Variants in CCDC198 observed in about 807,000 individuals in gnomAD.
CCDC198 encodes coiled-coil domain containing 198, also known as factor associated with metabolism and energy.
CCDC198 carries 18 observed loss-of-function variants against 35.6 expected under a neutral mutation model. That is an observed-to-expected ratio of 0.51 (90% CI 0.35 to 0.75). CCDC198 has a LOEUF of 0.75. CCDC198 is among the 30% of genes least tolerant of loss of function. CCDC198 has a pLI of 0.01. For missense variants in CCDC198, 365 were observed against 343.7 expected (o/e 1.06, Z -0.49); for synonymous variants, 119 against 113.4 (o/e 1.05, Z -0.31).
At chr14:57,476,772 C>T (rs2067011396) in intron 5 of CCDC198, among the ~76,000 whole-genome samples, 1 of 152,072 alleles carries the variant, frequency 6.6e-6, no homozygotes, top group Non-Finnish European at 1.5e-5. Flanking sequence ...AATGACCAGA[C>T]CCTGATAGTA....
Position 57,493,612 on chromosome 14 carries a change from A to C in CCDC198, c.104T>G (p.Phe35Cys), listed in dbSNP as rs754957433. 9 of 1,613,982 alleles carry C rather than the reference A, an allele frequency of 5.6e-6. No individual in the cohort carries two copies. In the East Asian group the frequency reaches 2.0e-4, roughly 36 times the overall value. The change falls in exon 1 of 6, where the codon TTC becomes TGC. Residue 35 changes from phenylalanine (F) to cysteine (C), a missense_variant. By Grantham distance (205) the Phe-to-Cys change is radical. Transcript: ENST00000216445. Reference protein sequence around the residue: ...TPSAGRVDFAFNQNLEEKTSY... With the variant: ...TPSAGRVDFACNQNLEEKTSY... ...AGTCTTTTCTTCCAAATTCTGATTGAATGCAAAGTCCACACGGCCAGCCGA... is the reference window on the plus strand; with the variant it reads ...AGTCTTTTCTTCCAAATTCTGATTGCATGCAAAGTCCACACGGCCAGCCGA...
chr14:57,478,851 G>T, intron 5 of CCDC198: 1 of 1,145,846 alleles, frequency 8.7e-7, no homozygotes, highest in Non-Finnish European at 1.1e-6. Flanking sequence ...AGTAGGAGCA[G>T]TGTCTCTTTC....
At chr14:57,484,474 C>T (rs2067291359) in intron 2 of CCDC198, among the ~76,000 whole-genome samples, 1 of 152,172 alleles carries the variant, frequency 6.6e-6, no homozygotes, top group Admixed American at 6.5e-5. Context: ...ACCCTATGGA[C>T]ACCTTGATCT....
At chr14:57,486,393 G>T (rs979403713) in intron 2 of CCDC198, among the ~76,000 whole-genome samples, 15 of 151,998 alleles carry the variant, frequency 9.9e-5, no homozygotes, top group African/African-American at 3.4e-4. Flanking sequence ...TTAAGCGCAA[G>T]TGTGTCCAGC....
At chr14:57,481,444 G>T in intron 4 of CCDC198, 115 bp downstream of exon 4, 1 of 689,990 alleles carries the variant, frequency 1.4e-6, no homozygotes, top group Non-Finnish European at 2.4e-6. Context: ...CAACCTCAAT[G>T]ACGAAATTTA....
chr14:57,482,987 A>T lies in CCDC198; in HGVS notation c.393+78T>A, dbSNP rs572296187. The T allele has an allele frequency of 6.6e-5, 105 of 1,594,902 alleles. No homozygotes were observed. The African/African-American group carries it at 1.3e-3, about 20-fold the overall frequency. ...CTCCATGCAGAGAGTGCATGAAAGG[A>T]CCAGTGTGCTCCAGTGCCCCAATCC... On this transcript the variant is annotated intron_variant, in intron 3 of 5. Transcript: ENST00000216445.
intron 2 of CCDC198, among the ~76,000 whole-genome samples, chr14:57,486,507 T>C (rs1373376177): frequency 6.6e-6 from 1 of 152,016 alleles, no homozygotes; most frequent in Non-Finnish European, 1.5e-5. Flanking sequence ...GCCCCTTCAC[T>C]AGAGATTGAG....
chr14:57,479,856 C>T (rs2067123963), intron 5 of CCDC198, among the ~76,000 whole-genome samples: 1 of 152,134 alleles, frequency 6.6e-6, no homozygotes. Flanking sequence ...ACATGGAGAA[C>T]CACTGAAGTG....
At chr14:57,492,780 A>G (rs1007583005) in intron 1 of CCDC198, among the ~76,000 whole-genome samples, 2 of 152,100 alleles carry the variant, frequency 1.3e-5, no homozygotes, top group East Asian at 1.9e-4. Flanking sequence ...ACATATATAT[A>G]TGTATATAAT....
chr14:57,481,768 C>G (rs2067196536), intron 3 of CCDC198, 108 bp from the exon 4 acceptor site: 4 of 681,752 alleles, frequency 5.9e-6, no homozygotes, highest in African/African-American at 3.6e-5. Flanking sequence ...CAGTCATAAC[C>G]TGTAGAGATA....
chr14:57,475,678 G>C, intron 5 of CCDC198: 1 of 403,328 alleles, frequency 2.5e-6, no homozygotes. Flanking sequence ...TTGCACTCCA[G>C]CCTGGGTAAC....
chr14:57,487,676 T>C (rs1594813650), intron 2 of CCDC198, among the ~76,000 whole-genome samples: 1 of 152,270 alleles, frequency 6.6e-6, no homozygotes, highest in East Asian at 1.9e-4. Flanking sequence ...GGAGTAGATG[T>C]TTAGGAAGTA....
At chr14:57,478,439 G>T (rs2067073279) in intron 5 of CCDC198, 1 of 983,172 alleles carries the variant, frequency 1.0e-6, no homozygotes, top group Non-Finnish European at 1.2e-6. Context: ...ACAGTACCTG[G>T]CTTATAGTAA....
At chr14:57,486,617 A>G (rs2067368912) in intron 2 of CCDC198, among the ~76,000 whole-genome samples, 1 of 152,128 alleles carries the variant, frequency 6.6e-6, no homozygotes, top group South Asian at 2.1e-4. Context: ...TGACTTCCAC[A>G]TTGCCTTAAG....
Position 57,470,568 on chromosome 14 carries a change from C to G in CCDC198, c.*787G>C, listed in dbSNP as rs532434598. Reference sequence around the variant, plus strand: ...GGCCAGGCTGGTCTTGAACTCCTGACCTCAAGTGATCTGCCCACCTCGGCC... The same window carrying G: ...GGCCAGGCTGGTCTTGAACTCCTGAGCTCAAGTGATCTGCCCACCTCGGCC... On this transcript the variant is annotated 3_prime_UTR_variant, in exon 6 of 6. Coordinates refer to ENST00000216445, the MANE Select transcript of CCDC198 (RefSeq NM_018168.4). 7 of 152,266 alleles carry G rather than the reference C, an allele frequency of 4.6e-5. No individual in the cohort carries two copies. The highest frequency in any genetic ancestry group is 1.7e-4 in the African/African-American group (7 of 41,460). 9.4% of individuals were successfully genotyped at this position (152,266 alleles called of 1,614,324 possible). A position where few individuals can be genotyped will look rare whatever the true frequency, so the allele number is the denominator to read the frequency against.
intron 2 of CCDC198, among the ~76,000 whole-genome samples, chr14:57,483,542 T>C (rs1487544347): frequency 6.6e-6 from 1 of 152,206 alleles, no homozygotes; most frequent in African/African-American, 2.4e-5. Flanking sequence ...AGCTGAACTA[T>C]TCCAGCCCTT....
chr14:57,483,330 A>G (rs2067249835), intron 2 of CCDC198, 179 bp from the exon 3 acceptor site: 3 of 868,664 alleles, frequency 3.5e-6, no homozygotes, highest in African/African-American at 3.4e-5. Flanking sequence ...TTTTCAACCT[A>G]TCTGGGTTCT....
chr14:57,489,753 A>G (rs1411556155), intron 2 of CCDC198, among the ~76,000 whole-genome samples: 3 of 152,156 alleles, frequency 2.0e-5, no homozygotes, highest in African/African-American at 7.2e-5. Context: ...TGTGAGCTAT[A>G]AAGTACTAGA....
chr14:57,492,365 T>C (rs1031455294), intron 1 of CCDC198, among the ~76,000 whole-genome samples: 2 of 152,082 alleles, frequency 1.3e-5, no homozygotes, highest in African/African-American at 4.8e-5. Flanking sequence ...TTTCTTTTAA[T>C]TGAGACAGAG....
Sources: allele counts gnomAD v4.1 joint callset (sites outside exome capture counted in the v4.1 genomes callset), GRCh38; gene constraint gnomAD v4.1.1; transcripts MANE v1.5; gene names NCBI Gene and HGNC (gene_info 2026-07-23, HGNC 2026-07-21).